The following ANKRD44 variants were observed in gnomAD, a reference collection of about 807,000 sequenced individuals.
The protein encoded by ANKRD44 is serine/threonine-protein phosphatase 6 regulatory ankyrin repeat subunit B.
ANKRD44 carries 35 observed loss-of-function variants against 116.0 expected under a neutral mutation model. That is an observed-to-expected ratio of 0.30 (90% CI 0.23 to 0.40). The LOEUF is 0.40. Ranked by LOEUF, ANKRD44 falls within the 10% of genes least tolerant of loss-of-function variation. The probability of loss-of-function intolerance (pLI) is 1.00; values close to 1 mark genes in which losing one functional copy is unlikely to be tolerated. For synonymous variants in ANKRD44, 435 were observed against 461.8 expected (o/e 0.94, Z 0.74); for missense variants, 1,014 against 1,242.6 (o/e 0.82, Z 2.77).
At chr2:197,135,588 C>T (rs1439694675) in intron 4 of ANKRD44, 1 of 152,230 alleles carries the variant, frequency 6.6e-6, no homozygotes, top group Non-Finnish European at 1.5e-5. Flanking sequence ...CATCTTCACC[C>T]GAATTTCCAG....
intron 8 of ANKRD44, among the ~76,000 whole-genome samples, chr2:197,114,534 T>G (rs1388353236): frequency 6.6e-6 from 1 of 152,218 alleles, no homozygotes; most frequent in Non-Finnish European, 1.5e-5. Context: ...TATATTTTCT[T>G]GACCACCAGT....
At chr2:197,042,499 TA>T (rs774188881) in intron 16 of ANKRD44, among the ~76,000 whole-genome samples, 2,192 of 106,238 alleles carry the variant, frequency 0.021, 26 homozygotes, top group African/African-American at 0.046. Context: ...CCTCCACTAC[TA>T]AAAAAAAAAA....
chr2:197,160,791 G>A (rs140070060), intron 2 of ANKRD44, among the ~76,000 whole-genome samples: 1 of 152,236 alleles, frequency 6.6e-6, no homozygotes, highest in African/African-American at 2.4e-5. Flanking sequence ...GAGCTTCCCT[G>A]GGGGTTTGGA....
At chr2:197,195,510 G>A (rs1003997603) in intron 1 of ANKRD44, among the ~76,000 whole-genome samples, 1 of 152,120 alleles carries the variant, frequency 6.6e-6, no homozygotes, top group Non-Finnish European at 1.5e-5. Context: ...CAGGGATACG[G>A]TGAAAACAAC....
chr2:197,108,649 T>C (rs10165218), intron 9 of ANKRD44, among the ~76,000 whole-genome samples: 130,205 of 152,064 alleles, frequency 0.86, 58,157 homozygotes, highest in East Asian at 1. Flanking sequence ...ACCAGCCTGG[T>C]CAACACATGG....
chr2:197,004,036 T>A (rs934127698), intron 21 of ANKRD44, among the ~76,000 whole-genome samples: 5 of 152,092 alleles, frequency 3.3e-5, no homozygotes, highest in Admixed American at 2.0e-4. Context: ...GGTTTCTAAA[T>A]TAAAATTTTA....
intron 1 of ANKRD44, among the ~76,000 whole-genome samples, chr2:197,230,682 AG>A (rs1304657911): frequency 6.6e-6 from 1 of 152,204 alleles, no homozygotes; most frequent in African/African-American, 2.4e-5. Flanking sequence ...TCATCTCCGT[AG>A]TATCCCACAG....
chr2:197,188,414 G>T lies in ANKRD44; in HGVS notation c.28-1308C>A, dbSNP rs116684195. ...TGTGGATGTGCAAAGAACCTGATAT[G>T]TTACTGACCAGAGTGTGGGGTAAAA... is the stretch of plus-strand genomic sequence containing the variant. On this transcript the variant is annotated intron_variant, in intron 1 of 27. Coordinates refer to ENST00000282272, the MANE Select transcript of ANKRD44 (RefSeq NM_001195144.2). 3.9e-3 allele frequency among the ~76,000 whole-genome samples: 601 copies of T among 152,304 alleles called. 3 individuals carry two copies. The highest frequency in any genetic ancestry group is 0.014 in the African/African-American group (572 of 41,548).
At chr2:197,100,588 A>C (rs929267718) in intron 9 of ANKRD44, among the ~76,000 whole-genome samples, 6 of 152,262 alleles carry the variant, frequency 3.9e-5, no homozygotes, top group South Asian at 4.1e-4. Flanking sequence ...AGACATGTTC[A>C]ATTTTAATTT....
chr2:197,099,340 A>G, intron 10 of ANKRD44: 1 of 213,586 alleles, frequency 4.7e-6, no homozygotes, highest in African/African-American at 2.3e-5. Flanking sequence ...CATAGCACCC[A>G]GCATAGATGC....
At chr2:196,982,695 A>G (rs1403426939), downstream of ANKRD44, among the ~76,000 whole-genome samples, 2 of 152,106 alleles carry the variant, frequency 1.3e-5, no homozygotes, top group Non-Finnish European at 2.9e-5. Flanking sequence ...AAGCCACTAT[A>G]TTTACTTGTC....
intron 2 of ANKRD44, among the ~76,000 whole-genome samples, chr2:197,178,806 T>G (rs2080432023): frequency 6.6e-6 from 1 of 152,240 alleles, no homozygotes; most frequent in Admixed American, 6.5e-5. Context: ...TGAATTTACC[T>G]TGGTATAAGA....
chr2:197,221,014 C>A (rs1416386471), intron 1 of ANKRD44, among the ~76,000 whole-genome samples: 2 of 152,132 alleles, frequency 1.3e-5, no homozygotes, highest in African/African-American at 4.8e-5. Context: ...CTTTGGGAGG[C>A]CAAGACGGGC....
intron 2 of ANKRD44, among the ~76,000 whole-genome samples, chr2:197,148,728 G>C (rs996622692): frequency 2.0e-5 from 3 of 152,132 alleles, no homozygotes; most frequent in Non-Finnish European, 4.4e-5. Flanking sequence ...GTTTTATAAA[G>C]AATGCACTAC....
chr2:197,255,615 G>C (rs1446512660), intron 1 of ANKRD44, among the ~76,000 whole-genome samples: 2 of 152,246 alleles, frequency 1.3e-5, no homozygotes, highest in Admixed American at 1.3e-4. Flanking sequence ...AACAAAAGAA[G>C]AACTACAGGC....
In ANKRD44 at chr2:197,146,954, T is replaced by C. The variant is rs1171218740; in HGVS notation, c.190+73A>G. On this transcript the variant is annotated intron_variant, in intron 3 of 27. Coordinates refer to ENST00000282272, the MANE Select transcript of ANKRD44 (RefSeq NM_001195144.2). ...AAAGGAATTTTGCTTGGGTTCACTG[T>C]AGTAGTCAATCTAGTAAATTGGTTA... The C allele has an allele frequency of 2.9e-6, 4 of 1,360,102 alleles. No individual in the cohort carries two copies. In the East Asian group the frequency reaches 7.3e-5, roughly 25 times the overall value. 84.3% of individuals were successfully genotyped at this position (1,360,102 alleles called of 1,614,324 possible).
intron 1 of ANKRD44, chr2:197,302,440 T>G (rs939043083): frequency 6.6e-6 from 1 of 152,190 alleles, no homozygotes; most frequent in African/African-American, 2.4e-5. Context: ...GCAAATAAGA[T>G]GTACTAAAAC....
intron 17 of ANKRD44, among the ~76,000 whole-genome samples, chr2:197,014,072 C>T (rs1008650562): frequency 3.9e-5 from 6 of 152,154 alleles, no homozygotes; most frequent in African/African-American, 1.4e-4. Context: ...CAGTTCAGTC[C>T]TAAACATATT....
intron 1 of ANKRD44, among the ~76,000 whole-genome samples, chr2:197,271,299 C>T (rs1458317721): frequency 6.6e-6 from 1 of 152,070 alleles, no homozygotes; most frequent in Non-Finnish European, 1.5e-5. Context: ...GGATTAGTGC[C>T]CTTATAAAAC....
Sources: allele counts gnomAD v4.1 joint callset (sites outside exome capture counted in the v4.1 genomes callset), GRCh38; gene constraint gnomAD v4.1.1; transcripts MANE v1.5; gene names NCBI Gene and HGNC (gene_info 2026-07-23, HGNC 2026-07-21).